Variants in ARHGAP15 observed in about 807,000 individuals in gnomAD.
ARHGAP15 encodes rho GTPase-activating protein 15.
Under a neutral mutation model 63.7 loss-of-function variants are expected in ARHGAP15, and 51 were observed. The ratio of observed to expected loss-of-function variants is 0.80; its 90% CI spans 0.64 to 1.01. The LOEUF (loss-of-function observed/expected upper bound fraction) is 1.01. Among genes scored for constraint, ARHGAP15 ranks in the 50% least tolerant of loss-of-function variants. The pLI is 0.00. For missense variants in ARHGAP15, 560 were observed against 564.6 expected, an observed-to-expected ratio of 0.99 and a Z score of 0.08; for synonymous variants, 191 against 193.8, an observed-to-expected ratio of 0.99 and a Z score of 0.12.
At chr2:143,548,196 C>T (rs1295827856) in intron 10 of ARHGAP15, among the ~76,000 whole-genome samples, 3 of 152,044 alleles carry the variant, frequency 2.0e-5, no homozygotes, top group African/African-American at 4.8e-5. Context: ...CTTATTTCCT[C>T]ATATTAACAA....
At chr2:143,719,628 G>T (rs1176401519) in intron 13 of ARHGAP15, among the ~76,000 whole-genome samples, 1 of 152,080 alleles carries the variant, frequency 6.6e-6, no homozygotes, top group African/African-American at 2.4e-5. Context: ...CAACAGAAGG[G>T]AATTCCATTC....
At chr2:143,717,853 C>CT (rs796879427) in intron 13 of ARHGAP15, among the ~76,000 whole-genome samples, 3,629 of 138,422 alleles carry the variant, frequency 0.026, 120 homozygotes, top group African/African-American at 0.079. Context: ...CTTAAAGTGG[C>CT]TTTTTTTTTT....
At chr2:143,200,682 C>A (rs574639179) in intron 2 of ARHGAP15, among the ~76,000 whole-genome samples, 18 of 151,968 alleles carry the variant, frequency 1.2e-4, no homozygotes, top group Non-Finnish European at 1.9e-4. Context: ...ATTATAAATT[C>A]TCTTTCTCTT....
intron 12 of ARHGAP15, among the ~76,000 whole-genome samples, chr2:143,663,219 G>T (rs1406456858): frequency 2.1e-5 from 3 of 141,510 alleles, no homozygotes; most frequent in African/African-American, 7.9e-5. Flanking sequence ...CGGATCTCTC[G>T]GCAGAAACCC....
At chr2:143,310,135 C>A (rs1683369862) in intron 6 of ARHGAP15, among the ~76,000 whole-genome samples, 2 of 151,914 alleles carry the variant, frequency 1.3e-5, no homozygotes, top group South Asian at 4.1e-4. Flanking sequence ...GCTTATGGTT[C>A]TTGATAAAAT....
At chr2:143,198,970 G>A (rs998247179) in intron 2 of ARHGAP15, among the ~76,000 whole-genome samples, 17 of 152,238 alleles carry the variant, frequency 1.1e-4, no homozygotes, top group African/African-American at 2.4e-4. Context: ...ACTCTTGAAA[G>A]TTAAATATAA....
chr2:143,712,316 C>T (rs186033033), intron 13 of ARHGAP15, among the ~76,000 whole-genome samples: 1 of 152,238 alleles, frequency 6.6e-6, no homozygotes, highest in East Asian at 1.9e-4. Flanking sequence ...GGAAAAGGAC[C>T]AAACTGGAGG....
At chr2:143,755,701 T>C (rs1319971059) in intron 13 of ARHGAP15, among the ~76,000 whole-genome samples, 1 of 152,028 alleles carries the variant, frequency 6.6e-6, no homozygotes, top group African/African-American at 2.4e-5. Context: ...ACTGGCCAGG[T>C]GTGGTGGCTC....
At position 143,435,537 on chromosome 2, in the gene ARHGAP15, A is replaced by G. The variant is rs184671305; in HGVS notation, c.475-64A>G. On this transcript the variant is annotated intron_variant, in intron 6 of 13. Coordinates refer to ENST00000295095, the MANE Select transcript of ARHGAP15 (RefSeq NM_018460.4). ...TTTTTAAAAAAGGATTTTTACATGT[A>G]AGAGATCTATCTTACATAGTTTCTT... 3.4e-4 allele frequency: 495 copies of G among 1,438,174 alleles called. 3 individuals carry two copies. The African/African-American group carries it at 6.7e-3, about 20-fold the overall frequency. 89.1% of individuals were successfully genotyped at this position (1,438,174 alleles called of 1,614,324 possible).
At chr2:143,219,042 C>T (rs1692882018) in intron 4 of ARHGAP15, among the ~76,000 whole-genome samples, 1 of 152,198 alleles carries the variant, frequency 6.6e-6, no homozygotes. Flanking sequence ...GTCTTTAAAT[C>T]TAGTTCATTT....
intron 6 of ARHGAP15, among the ~76,000 whole-genome samples, chr2:143,370,375 C>T (rs1170820141): frequency 6.6e-6 from 1 of 152,022 alleles, no homozygotes; most frequent in Admixed American, 6.6e-5. Flanking sequence ...GGAGGGATAG[C>T]ACTGGGAGAT....
At chr2:143,504,427 C>G (rs1041125246) in intron 9 of ARHGAP15, among the ~76,000 whole-genome samples, 2 of 152,166 alleles carry the variant, frequency 1.3e-5, no homozygotes, top group Admixed American at 6.5e-5. Context: ...CACCTCCATA[C>G]CCCCAAAACT....
intron 11 of ARHGAP15, among the ~76,000 whole-genome samples, chr2:143,584,301 C>A (rs995297829): frequency 3.3e-5 from 5 of 152,084 alleles, no homozygotes; most frequent in African/African-American, 7.2e-5. Flanking sequence ...CATGCTATTG[C>A]AATATAATCT....
chr2:143,238,354 A>G (rs534932012), intron 5 of ARHGAP15: 6 of 152,326 alleles, frequency 3.9e-5, no homozygotes, highest in African/African-American at 1.4e-4. Flanking sequence ...TACAAGAAAA[A>G]ACAAACAACT....
At chr2:143,206,534 T>A (rs189320552) in intron 3 of ARHGAP15, among the ~76,000 whole-genome samples, 2 of 152,216 alleles carry the variant, frequency 1.3e-5, no homozygotes, top group Admixed American at 6.6e-5. Flanking sequence ...AAATTTGAAT[T>A]AGATAGCCCT....
intron 6 of ARHGAP15, among the ~76,000 whole-genome samples, chr2:143,315,690 A>G (rs1191089190): frequency 1.3e-5 from 2 of 152,216 alleles, no homozygotes; most frequent in African/African-American, 4.8e-5. Flanking sequence ...TAAGGACACC[A>G]CTAAAATCTA....
chr2:143,195,306 A>G (rs1390756268), intron 2 of ARHGAP15, among the ~76,000 whole-genome samples: 1 of 152,318 alleles, frequency 6.6e-6, no homozygotes, highest in East Asian at 1.9e-4. Context: ...TGGAATTGTG[A>G]AACAATTTAC....
chr2:143,223,746 G>A (rs1207204048), intron 4 of ARHGAP15, among the ~76,000 whole-genome samples: 1 of 152,172 alleles, frequency 6.6e-6, no homozygotes. Context: ...CTCTCAACTG[G>A]CATGCTCAGA....
At position 143,253,535 on chromosome 2, in the gene ARHGAP15, A is replaced by T. The variant is rs534501022; in HGVS notation, c.474+2935A>T. On this transcript the variant is annotated intron_variant, in intron 6 of 13. Coordinates refer to ENST00000295095, the MANE Select transcript of ARHGAP15 (RefSeq NM_018460.4). The stretch of plus-strand genomic sequence containing the variant: ...AAACATAACAATGACAACATTAATT[A>T]TTAAGTTTTGGTATTCAACAACTTT... Among the ~76,000 whole-genome samples, 21 of 152,236 alleles carry T rather than the reference A, an allele frequency of 1.4e-4. No individual in the cohort carries two copies. In the East Asian group the frequency reaches 1.9e-3, roughly 14 times the overall value.
Sources: gnomAD v4.1 joint callset for allele counts (sites outside exome capture counted in the v4.1 genomes callset) on GRCh38, gnomAD v4.1.1 for gene constraint, MANE v1.5 for transcripts, NCBI Gene and HGNC (gene_info 2026-07-23, HGNC 2026-07-21) for gene names.